The following TRIO variants were observed in gnomAD, a reference collection of about 807,000 sequenced individuals.
TRIO encodes the protein trio Rho guanine nucleotide exchange factor.
In TRIO, 58 loss-of-function variants were observed where a neutral mutation model predicts 351.9. The observed-to-expected ratio is 0.16, with a 90% CI of 0.13 to 0.21. The LOEUF (loss-of-function observed/expected upper bound fraction) is 0.21. Ranked by LOEUF, TRIO falls within the 10% of genes least tolerant of loss-of-function variation. The pLI is 1.00. For synonymous variants in TRIO, 1,758 were observed against 1,595.7 expected (o/e 1.10, Z -2.42); for missense variants, 3,201 against 4,027.8 (o/e 0.79, Z 5.56).
intron 45 of TRIO, 42 bp downstream of exon 45, chr5:14,481,660 ATC>A: frequency 6.3e-7 from 1 of 1,598,834 alleles, no homozygotes; most frequent in Non-Finnish European, 8.6e-7. Flanking sequence ...CTCTGCCTTC[ATC>A]TCTTTCTTTT....
intron 11 of TRIO, among the ~76,000 whole-genome samples, chr5:14,336,942 G>A (rs1741470664): frequency 6.6e-6 from 1 of 152,164 alleles, no homozygotes; most frequent in African/African-American, 2.4e-5. Context: ...CCTTTGCTGG[G>A]GCTTTCCATA....
chr5:14,285,686 A>G (rs799025), intron 3 of TRIO, among the ~76,000 whole-genome samples: 47,522 of 151,972 alleles, frequency 0.31, 10,012 homozygotes, highest in African/African-American at 0.6. Flanking sequence ...TTTTGGGGGG[A>G]TAATTATCCA....
chr5:14,393,479 C>T (rs967787706), intron 27 of TRIO, among the ~76,000 whole-genome samples: 1 of 152,190 alleles, frequency 6.6e-6, no homozygotes, highest in Admixed American at 6.5e-5. Context: ...ATTCCTTGTA[C>T]AGTTGGTTTA....
At chr5:14,315,377 C>T (rs1294884489) in intron 8 of TRIO, among the ~76,000 whole-genome samples, 4 of 151,796 alleles carry the variant, frequency 2.6e-5, no homozygotes, top group South Asian at 2.1e-4. Flanking sequence ...CTCAGCCTCC[C>T]GAGTAGCTGG....
At chr5:14,196,087 T>C (rs373132873) in intron 1 of TRIO, among the ~76,000 whole-genome samples, 2 of 152,312 alleles carry the variant, frequency 1.3e-5, no homozygotes, top group East Asian at 1.9e-4. Context: ...ACATGTATTA[T>C]TTATATCAAG....
At chr5:14,424,022 A>G (rs1750409468) in intron 34 of TRIO, among the ~76,000 whole-genome samples, 1 of 151,152 alleles carries the variant, frequency 6.6e-6, no homozygotes, top group Non-Finnish European at 1.5e-5. Flanking sequence ...CAGCCTGGAC[A>G]ACAGAGTGAG....
chr5:14,481,771 C>CTTTTTTTTTTTTT (rs34046917), intron 45 of TRIO, 153 bp downstream of exon 45: 3 of 189,352 alleles, frequency 1.6e-5, no homozygotes, highest in East Asian at 1.4e-4. Context: ...ATTTTATTTC[C>CTTTTTTTTTTTTT]TTTTTTTTTT....
chr5:14,146,125 C>G (rs920916615), intron 1 of TRIO, among the ~76,000 whole-genome samples: 4 of 148,340 alleles, frequency 2.7e-5, no homozygotes, highest in Non-Finnish European at 4.5e-5. Flanking sequence ...TTGGCTCTAG[C>G]ATCTAGGCCA....
chr5:14,182,045 C>T (rs1258034380), intron 1 of TRIO, among the ~76,000 whole-genome samples: 1 of 152,154 alleles, frequency 6.6e-6, no homozygotes, highest in Non-Finnish European at 1.5e-5. Flanking sequence ...TCCCACATAT[C>T]ATTGAATTTC....
chr5:14,484,918 C>A, intron 46 of TRIO, 151 bp from the exon 47 acceptor site: 2 of 668,674 alleles, frequency 3.0e-6, no homozygotes, highest in Non-Finnish European at 2.3e-6. Context: ...TCATCCATGT[C>A]GTATTGTGTG....
At chr5:14,348,500 C>T (rs572526977) in intron 11 of TRIO, among the ~76,000 whole-genome samples, 43 of 152,402 alleles carry the variant, frequency 2.8e-4, no homozygotes, top group African/African-American at 9.4e-4. Flanking sequence ...TCTGTATGTA[C>T]GTGCACATGC....
rs977159702 is a variant in TRIO at position 14,202,119 on chromosome 5, T to TA, written c.157+58249dup. ...GTACCCTAAAACTTAAGGTATAATT[T>TA]AAAAAAAAAAAAGAAAAAAGGTGAA... On this transcript the variant is annotated intron_variant, in intron 1 of 56. Coordinates refer to ENST00000344204, the MANE Select transcript of TRIO (RefSeq NM_007118.4). Among the ~76,000 whole-genome samples, 340 of 142,566 alleles carry TA rather than the reference T, an allele frequency of 2.4e-3. 1 individual carries two copies. The highest frequency in any genetic ancestry group is 7.3e-3 in the African/African-American group (283 of 39,010). 93.5% of individuals were successfully genotyped at this position (142,566 alleles called of 152,430 possible).
intron 2 of TRIO, among the ~76,000 whole-genome samples, chr5:14,272,737 C>G (rs1291422736): frequency 2.0e-5 from 3 of 152,138 alleles, no homozygotes; most frequent in Admixed American, 6.5e-5. Flanking sequence ...TACAGTATTC[C>G]TAATTTATGA....
In TRIO at chr5:14,144,323, T is replaced by C. The variant is rs565450300; in HGVS notation, c.157+441T>C. ...GCCGGGGCCGGTCCGGGACGGGAAA[T>C]TGGTCTTTGATCTGTGCCTGTCTCT... On this transcript the variant is annotated intron_variant, in intron 1 of 56. Coordinates refer to ENST00000344204, the MANE Select transcript of TRIO (RefSeq NM_007118.4). 7.9e-5 allele frequency among the ~76,000 whole-genome samples: 12 copies of C among 151,958 alleles called. No homozygotes were observed. In the East Asian group the frequency reaches 2.3e-3, roughly 30 times the overall value.
At chr5:14,503,302 C>A (rs547123151) in intron 54 of TRIO, among the ~76,000 whole-genome samples, 1 of 152,368 alleles carries the variant, frequency 6.6e-6, no homozygotes, top group Non-Finnish European at 1.5e-5. Flanking sequence ...GCCAGCAGCA[C>A]CCTCTGGCAT....
chr5:14,482,548 C>T, intron 45 of TRIO, 34 bp from the exon 46 acceptor site: 3 of 1,402,306 alleles, frequency 2.1e-6, no homozygotes, highest in Non-Finnish European at 2.8e-6. Flanking sequence ...GTTTTCTTCT[C>T]CCCTTCCTTT....
rs1239079174 is a variant in TRIO at position 14,406,640 on chromosome 5, C to T, written c.4927C>T (p.Arg1643Trp). 3.7e-6 allele frequency: 6 copies of T among 1,613,936 alleles called. No individual in the cohort carries two copies. Among genetic ancestry groups the T allele is most frequent in the Non-Finnish European group, 3.4e-6 (4 of 1,179,960 alleles). Reference protein sequence around the residue: ...SQPDTISIASRTSQNTLDSDK... With the variant: ...SQPDTISIASWTSQNTLDSDK... The stretch of plus-strand genomic sequence containing the variant: ...GCCTGATACGATTTCCATCGCCTCA[C>T]GGACGTCTCAGAACACGCTGGACAG... The change falls in exon 33 of 57, where the codon CGG becomes TGG. Residue 1643 changes from arginine (R) to tryptophan (W), a missense_variant. Coordinates refer to ENST00000344204, the MANE Select transcript of TRIO (RefSeq NM_007118.4).
intron 6 of TRIO, among the ~76,000 whole-genome samples, chr5:14,295,920 A>G (rs1462122263): frequency 1.3e-5 from 2 of 152,214 alleles, no homozygotes; most frequent in Non-Finnish European, 2.9e-5. Flanking sequence ...CTCTAATCCC[A>G]GACAGAGGCA....
At chr5:14,440,627 A>G (rs1300709197) in intron 34 of TRIO, among the ~76,000 whole-genome samples, 1 of 152,220 alleles carries the variant, frequency 6.6e-6, no homozygotes, top group Non-Finnish European at 1.5e-5. Flanking sequence ...GAATGAAGAT[A>G]TGTTTTTAAT....
Sources: gnomAD v4.1 joint callset for allele counts (sites outside exome capture counted in the v4.1 genomes callset) on GRCh38, gnomAD v4.1.1 for gene constraint, MANE v1.5 for transcripts, NCBI Gene and HGNC (gene_info 2026-07-23, HGNC 2026-07-21) for gene names.